KIFC3: variants seen among roughly 807,000 people sequenced by gnomAD.
KIFC3 encodes the protein kinesin-like protein KIFC3.
A neutral mutation model predicts 101.8 loss-of-function variants in KIFC3; 60 were observed. That is an observed-to-expected ratio of 0.59 (90% CI 0.48 to 0.73). KIFC3 has a LOEUF of 0.73. KIFC3 is among the 30% of genes least tolerant of loss of function. The probability of loss-of-function intolerance (pLI) is 0.00; values close to 1 mark genes in which losing one functional copy is unlikely to be tolerated. For missense variants in KIFC3, 966 were observed against 1,137.1 expected (o/e 0.85, Z 2.16); for synonymous variants, 476 against 482.7 (o/e 0.99, Z 0.18).
At chr16:57,814,203 A>T (rs4257203) in intron 1 of KIFC3, among the ~76,000 whole-genome samples, 1 of 152,146 alleles carries the variant, frequency 6.6e-6, no homozygotes, top group Non-Finnish European at 1.5e-5. Context: ...CATATGCTCC[A>T]CCCACACCCC....
intron 1 of KIFC3, among the ~76,000 whole-genome samples, chr16:57,851,656 T>A (rs1256752521): frequency 7.9e-5 from 12 of 151,758 alleles, no homozygotes; most frequent in Non-Finnish European, 1.3e-4. Flanking sequence ...AACCTCCGCC[T>A]TCCAGGTTCA....
chr16:57,826,786 A>G (rs1230483628), intron 1 of KIFC3, among the ~76,000 whole-genome samples: 1 of 152,216 alleles, frequency 6.6e-6, no homozygotes, highest in Non-Finnish European at 1.5e-5. Context: ...AGTGGAGTTC[A>G]GTTCTGATTC....
chr16:57,764,249 TGGGAGGGTGGTGGGA>T lies in KIFC3; in HGVS notation c.1513-17_1513-3del. The T allele has an allele frequency of 8.3e-6, 5 of 603,550 alleles. No individual in the cohort carries two copies. Among genetic ancestry groups the T allele is most frequent in the South Asian group, 1.4e-5 (1 of 71,514 alleles). 37.4% of individuals were successfully genotyped at this position (603,550 alleles called of 1,614,324 possible). A position where few individuals can be genotyped will look rare whatever the true frequency, so the allele number is the denominator to read the frequency against. On this transcript the variant is annotated splice_polypyrimidine_tract_variant and splice_region_variant and intron_variant, in intron 11 of 19. Coordinates refer to ENST00000445690, the MANE Select transcript of KIFC3 (RefSeq NM_001130100.2). Reference sequence around the variant, plus strand: ...CAGGGCCTGCACCTCCTGGAACACCTGGGAGGGTGGTGGGAGGGAGGCTGGTGGGGGGGCTTCCAG... The same window carrying T: ...CAGGGCCTGCACCTCCTGGAACACCTGGGAGGCTGGTGGGGGGGCTTCCAG...
intron 3 of KIFC3, among the ~76,000 whole-genome samples, chr16:57,773,330 T>C (rs1452655537): frequency 6.6e-6 from 1 of 152,194 alleles, no homozygotes; most frequent in African/African-American, 2.4e-5. Context: ...GGTGAGGGGC[T>C]GTGCAGGGCT....
chr16:57,850,780 A>C (rs2056036222), intron 1 of KIFC3, among the ~76,000 whole-genome samples: 1 of 152,026 alleles, frequency 6.6e-6, no homozygotes, highest in African/African-American at 2.4e-5. Flanking sequence ...CCAGCCACAA[A>C]AATGGGTCTT....
intron 3 of KIFC3, among the ~76,000 whole-genome samples, chr16:57,784,598 G>C (rs782032992): frequency 6.6e-6 from 1 of 152,154 alleles, no homozygotes; most frequent in Non-Finnish European, 1.5e-5. Flanking sequence ...TCTACCTGAA[G>C]GCCAGTCTGT....
intron 1 of KIFC3, among the ~76,000 whole-genome samples, chr16:57,831,829 GTA>G (rs2055585903): frequency 1.3e-5 from 2 of 152,118 alleles, no homozygotes; most frequent in Non-Finnish European, 2.9e-5. Flanking sequence ...CCTTCACCAG[GTA>G]GACCTGGGAA....
At position 57,765,501 on chromosome 16, in the gene KIFC3, G is replaced by T; in HGVS notation, c.1470C>A (p.Phe490Leu). The change falls in exon 11 of 20, where the codon TTC (phenylalanine) becomes TTA (leucine). Residue 490 changes from phenylalanine (F) to leucine (L), a missense_variant. Physicochemically the swap from Phe to Leu is conservative, Grantham distance 22 (BLOSUM62 0). Transcript: ENST00000445690. ...HLLHKGKPVS[F>L]ELDKVFSPQA... ...GTGGGGAGAAGACCTTGTCCAGCTC[G>T]AAGGACACAGGCTTGCCCTTGTGCA... The T allele has an allele frequency of 6.3e-7, 1 of 1,590,576 alleles. No individual in the cohort carries two copies. The highest frequency in any genetic ancestry group is 1.7e-4 in the Middle Eastern group (1 of 6,022).
intron 3 of KIFC3, among the ~76,000 whole-genome samples, chr16:57,789,395 C>T (rs1038035487): frequency 2.0e-5 from 3 of 152,256 alleles, no homozygotes; most frequent in Non-Finnish European, 4.4e-5. Context: ...ATCCAGAGAA[C>T]GTCACCTGCC....
chr16:57,781,802 A>G, intron 3 of KIFC3: 1 of 279,200 alleles, frequency 3.6e-6, no homozygotes, highest in Non-Finnish European at 5.4e-6. Context: ...AGAAAAACTG[A>G]GCTCCTAAGA....
chr16:57,820,436 G>A (rs188018099), intron 1 of KIFC3, among the ~76,000 whole-genome samples: 238 of 152,060 alleles, frequency 1.6e-3, no homozygotes, highest in Non-Finnish European at 2.2e-3. Context: ...CATAACACTC[G>A]GCTAATTTTT....
chr16:57,781,391 C>T (rs1412570034), intron 3 of KIFC3, among the ~76,000 whole-genome samples: 2 of 152,214 alleles, frequency 1.3e-5, no homozygotes, highest in Non-Finnish European at 2.9e-5. Flanking sequence ...GAGGCCATGG[C>T]TCTAGGGACA....
At chr16:57,768,433 A>T (rs2050733834) in intron 9 of KIFC3, among the ~76,000 whole-genome samples, 1 of 151,264 alleles carries the variant, frequency 6.6e-6, no homozygotes, top group African/African-American at 2.4e-5. Flanking sequence ...AATTTTTTTC[A>T]ACTATTTTTG....
intron 1 of KIFC3, among the ~76,000 whole-genome samples, chr16:57,837,990 C>G (rs1361560340): frequency 6.6e-6 from 1 of 152,172 alleles, no homozygotes; most frequent in African/African-American, 2.4e-5. Flanking sequence ...TGGCTTGAAG[C>G]CACACTGGCT....
chr16:57,862,365 T>A (rs1438986167), intron 1 of KIFC3, among the ~76,000 whole-genome samples: 1 of 152,062 alleles, frequency 6.6e-6, no homozygotes, highest in Non-Finnish European at 1.5e-5. Context: ...CAACTTAGAA[T>A]TCATGAATTG....
At chr16:57,796,081 C>CA (rs2054297387) in intron 2 of KIFC3, among the ~76,000 whole-genome samples, 1 of 151,890 alleles carries the variant, frequency 6.6e-6, no homozygotes, top group Admixed American at 6.6e-5. Flanking sequence ...TTAGCAGACA[C>CA]AGAGTTTCAC....
intron 1 of KIFC3, among the ~76,000 whole-genome samples, chr16:57,861,171 C>A (rs1427751306): frequency 6.6e-6 from 1 of 152,200 alleles, no homozygotes; most frequent in African/African-American, 2.4e-5. Flanking sequence ...GTACTATTAT[C>A]TTTAAAGCAA....
intron 3 of KIFC3, among the ~76,000 whole-genome samples, chr16:57,783,472 CTTTTTTT>C (rs146386887): frequency 1.2e-5 from 1 of 82,624 alleles, no homozygotes; most frequent in Non-Finnish European, 3.0e-5. Flanking sequence ...ATTTTCTTTT[CTTTTTTT>C]TTTTTTTTTT....
chr16:57,847,978 G>T (rs1408595880), intron 1 of KIFC3, among the ~76,000 whole-genome samples: 1 of 152,096 alleles, frequency 6.6e-6, no homozygotes, highest in Non-Finnish European at 1.5e-5. Context: ...TAGAGATGGG[G>T]TTTCACCATG....
Sources: gnomAD v4.1 joint callset for allele counts (sites outside exome capture counted in the v4.1 genomes callset) on GRCh38, gnomAD v4.1.1 for gene constraint, MANE v1.5 for transcripts, NCBI Gene and HGNC (gene_info 2026-07-23, HGNC 2026-07-21) for gene names.